SPOP: variants seen among roughly 807,000 people sequenced by gnomAD.
SPOP encodes the protein speckle-type POZ protein.
Under a neutral mutation model 45.6 loss-of-function variants are expected in SPOP, and 11 were observed. The observed-to-expected ratio is 0.24, with a 90% CI of 0.15 to 0.40. The LOEUF (loss-of-function observed/expected upper bound fraction) is 0.40. Among genes scored for constraint, SPOP ranks in the 10% least tolerant of loss-of-function variants. SPOP has a pLI of 1.00. For synonymous variants in SPOP, 166 were observed against 166.3 expected, an observed-to-expected ratio of 1.00 and a Z score of 0.01; for missense variants, 152 against 465.6, an observed-to-expected ratio of 0.33 and a Z score of 6.20.
intron 6 of SPOP, among the ~76,000 whole-genome samples, chr17:49,609,948 G>C (rs768013678): frequency 2.6e-5 from 4 of 152,052 alleles, no homozygotes; most frequent in African/African-American, 4.8e-5. Flanking sequence ...AGTCTGCTTT[G>C]TCCACGAGGA....
chr17:49,672,473 C>T (rs2073147975), intron 1 of SPOP, among the ~76,000 whole-genome samples: 1 of 152,172 alleles, frequency 6.6e-6, no homozygotes, highest in Admixed American at 6.5e-5. Flanking sequence ...TTGTGTTTCT[C>T]CTACTATGAT....
At chr17:49,663,455 G>A (rs2073014892) in intron 1 of SPOP, among the ~76,000 whole-genome samples, 1 of 152,196 alleles carries the variant, frequency 6.6e-6, no homozygotes, top group Non-Finnish European at 1.5e-5. Flanking sequence ...ACATCGAACT[G>A]TACTACAGTC....
At chr17:49,650,181 G>T (rs541470475) in intron 1 of SPOP, among the ~76,000 whole-genome samples, 2 of 152,144 alleles carry the variant, frequency 1.3e-5, no homozygotes, top group East Asian at 3.9e-4. Flanking sequence ...GTGAGCTACC[G>T]CACCCAGCCC....
Position 49,599,374 on chromosome 17 carries a change from C to T in SPOP, c.*1004G>A. 1 of 225,216 alleles carries T rather than the reference C, an allele frequency of 4.4e-6. No homozygotes were observed. The highest frequency in any genetic ancestry group is 8.9e-6 in the Non-Finnish European group (1 of 112,776). The allele number at this position is 225,216 out of a possible 1,614,324, so 14.0% of individuals were successfully genotyped here. On this transcript the variant is annotated 3_prime_UTR_variant, in exon 10 of 10. Coordinates refer to ENST00000504102, the MANE Select transcript of SPOP (RefSeq NM_001007228.2). ...AGGAAGAGGGGCTAGTCAGAAGGAA[C>T]AGAACTGGCTCCTATGCAGGCGGCA...
intron 8 of SPOP, among the ~76,000 whole-genome samples, chr17:49,606,089 CTAAT>C (rs2071838654): frequency 6.6e-6 from 1 of 151,762 alleles, no homozygotes; most frequent in African/African-American, 2.4e-5. Context: ...ATTATCTATA[CTAAT>C]TAATACAATA....
At chr17:49,623,284 AGGCGTGAG>A (rs1221662438) in intron 1 of SPOP, among the ~76,000 whole-genome samples, 2 of 152,188 alleles carry the variant, frequency 1.3e-5, no homozygotes, top group African/African-American at 4.8e-5. Flanking sequence ...CTGAGATTAC[AGGCGTGAG>A]CCACCGCACC....
intron 6 of SPOP, among the ~76,000 whole-genome samples, chr17:49,608,661 C>T (rs1286411839): frequency 6.6e-6 from 1 of 152,134 alleles, no homozygotes; most frequent in Non-Finnish European, 1.5e-5. Flanking sequence ...CATGCTCATT[C>T]TAGTCCAATG....
intron 1 of SPOP, among the ~76,000 whole-genome samples, chr17:49,674,775 A>T (rs2073179100): frequency 6.6e-6 from 1 of 152,240 alleles, no homozygotes; most frequent in African/African-American, 2.4e-5. Context: ...TTAAAGGAAG[A>T]AATTGGAATA....
At chr17:49,656,989 G>C (rs1372419826) in intron 1 of SPOP, among the ~76,000 whole-genome samples, 1 of 151,986 alleles carries the variant, frequency 6.6e-6, no homozygotes, top group East Asian at 1.9e-4. Context: ...AGACCATCCT[G>C]GCTAACACAG....
chr17:49,634,766 C>T (rs118073589), intron 1 of SPOP, among the ~76,000 whole-genome samples: 1,651 of 152,250 alleles, frequency 0.011, 35 homozygotes, highest in East Asian at 0.09. Flanking sequence ...ATATTTCTTG[C>T]TAACATGATT....
At chr17:49,637,741 ACTGTTGCCAGCT>A (rs1409043475) in intron 1 of SPOP, among the ~76,000 whole-genome samples, 1 of 152,258 alleles carries the variant, frequency 6.6e-6, no homozygotes, top group Non-Finnish European at 1.5e-5. Context: ...AAGAGAGATC[ACTGTTGCCAGCT>A]CTTTCACAAA....
chr17:49,603,147 T>C (rs2143119778), intron 8 of SPOP, among the ~76,000 whole-genome samples: 1 of 152,328 alleles, frequency 6.6e-6, no homozygotes, highest in African/African-American at 2.4e-5. Context: ...TGAGGAGGCA[T>C]ATCTGCTGGC....
Position 49,619,407 on chromosome 17 carries a change from A to C in SPOP, c.201-22T>G. The C allele has an allele frequency of 6.3e-7, 1 of 1,583,446 alleles. No homozygotes were observed. Among genetic ancestry groups the C allele is most frequent in the Admixed American group, 2.0e-5 (1 of 50,826 alleles). On this transcript the variant is annotated intron_variant, in intron 3 of 9. Transcript: ENST00000504102. The surrounding 1 kb of genome is among the most constrained non-coding windows in gnomAD (Gnocchi z 4.9). Reference sequence around the variant, plus strand: ...ACACCTGTCCAAAACAGATAGAAAAAAAAAATGTCAAAAGCATCCATTTTG... The same window carrying C: ...ACACCTGTCCAAAACAGATAGAAAACAAAAATGTCAAAAGCATCCATTTTG...
At chr17:49,618,380 C>G (rs1426922337) in intron 5 of SPOP, 1 of 346,872 alleles carries the variant, frequency 2.9e-6, no homozygotes, top group African/African-American at 2.2e-5. Flanking sequence ...TCCTGTAAAC[C>G]TGGGAAAAGC....
chr17:49,616,749 A>G (rs2072094822), intron 5 of SPOP, among the ~76,000 whole-genome samples: 1 of 152,246 alleles, frequency 6.6e-6, no homozygotes, highest in Non-Finnish European at 1.5e-5. Context: ...AACACTCAGC[A>G]CCTGTGGCCA....
At chr17:49,675,410 T>C (rs1479863626) in intron 1 of SPOP, among the ~76,000 whole-genome samples, 3 of 152,128 alleles carry the variant, frequency 2.0e-5, no homozygotes, top group Non-Finnish European at 4.4e-5. Flanking sequence ...ACAAAAAATG[T>C]GAAGAATATA....
chr17:49,611,905 C>G (rs2071983087), intron 5 of SPOP, among the ~76,000 whole-genome samples: 1 of 141,790 alleles, frequency 7.1e-6, no homozygotes, highest in Non-Finnish European at 1.5e-5. Flanking sequence ...TTTTTTGAGA[C>G]AGAGTCTCAC....
chr17:49,668,405 A>T (rs1053941225), intron 1 of SPOP, among the ~76,000 whole-genome samples: 2 of 152,190 alleles, frequency 1.3e-5, no homozygotes, highest in Non-Finnish European at 2.9e-5. Context: ...ACATAAATAT[A>T]TCTCAAAAAA....
At chr17:49,640,522 G>T (rs2072627545) in intron 1 of SPOP, among the ~76,000 whole-genome samples, 1 of 152,052 alleles carries the variant, frequency 6.6e-6, no homozygotes, top group African/African-American at 2.4e-5. Flanking sequence ...TAATATAAAG[G>T]TTTAAATCTA....
Sources: allele counts gnomAD v4.1 joint callset (sites outside exome capture counted in the v4.1 genomes callset), GRCh38; gene constraint gnomAD v4.1.1; non-coding constraint Gnocchi (gnomAD v3.1); transcripts MANE v1.5; gene names NCBI Gene and HGNC (gene_info 2026-07-23, HGNC 2026-07-21).